The following ADAM32 variants were observed in gnomAD, a reference collection of about 807,000 sequenced individuals.
ADAM32 encodes the protein disintegrin and metalloproteinase domain-containing protein 32.
ADAM32 carries 89 observed loss-of-function variants against 114.9 expected under a neutral mutation model. The ratio of observed to expected loss-of-function variants is 0.77; its 90% CI spans 0.65 to 0.92. ADAM32 has a LOEUF of 0.92. Among genes scored for constraint, ADAM32 ranks in the 40% least tolerant of loss-of-function variants. ADAM32 has a pLI of 0.00. For synonymous variants in ADAM32, 285 were observed against 307.5 expected (o/e 0.93, Z 0.77); for missense variants, 870 against 932.8 (o/e 0.93, Z 0.88).
chr8:39,201,453 C>G (rs1286454014), intron 11 of ADAM32, among the ~76,000 whole-genome samples: 1 of 151,606 alleles, frequency 6.6e-6, no homozygotes, highest in Non-Finnish European at 1.5e-5. Flanking sequence ...TATAGGAATG[C>G]TTGTGATTTT....
At chr8:39,240,732 G>T (rs997811491) in intron 16 of ADAM32, among the ~76,000 whole-genome samples, 38 of 152,146 alleles carry the variant, frequency 2.5e-4, no homozygotes, top group African/African-American at 8.2e-4. Flanking sequence ...CTTATTCACT[G>T]TCATGAGAAC....
At chr8:39,147,035 G>C (rs1803546274) in intron 3 of ADAM32, 95 bp from the exon 4 acceptor site, 1 of 459,114 alleles carries the variant, frequency 2.2e-6, no homozygotes, top group Non-Finnish European at 3.2e-6. Flanking sequence ...AAAACAGAGG[G>C]TGGGTCAGAT....
chr8:39,222,531 A>G (rs1375321110), intron 13 of ADAM32, among the ~76,000 whole-genome samples: 1 of 152,032 alleles, frequency 6.6e-6, no homozygotes, highest in Non-Finnish European at 1.5e-5. Flanking sequence ...ATGATTTGAG[A>G]GAAAGATTCT....
chr8:39,157,928 C>T, intron 6 of ADAM32: 1 of 382,514 alleles, frequency 2.6e-6, no homozygotes, highest in East Asian at 5.5e-5. Flanking sequence ...CTAGTACGTG[C>T]CACAGAGAAG....
intron 12 of ADAM32, among the ~76,000 whole-genome samples, chr8:39,218,546 G>A (rs1280783919): frequency 1.3e-5 from 2 of 152,216 alleles, no homozygotes; most frequent in Non-Finnish European, 2.9e-5. Flanking sequence ...CTGGTGTTCT[G>A]TTCTACTGTG....
chr8:39,151,356 A>C, intron 5 of ADAM32, 21 bp from the exon 6 acceptor site: 2 of 1,550,272 alleles, frequency 1.3e-6, no homozygotes, highest in African/African-American at 1.4e-5. Flanking sequence ...AGCACTTAAA[A>C]TTGTATTCAT....
intron 18 of ADAM32, among the ~76,000 whole-genome samples, chr8:39,256,837 T>A (rs1416157165): frequency 6.6e-6 from 1 of 152,080 alleles, no homozygotes; most frequent in Admixed American, 6.6e-5. Context: ...ATTCCTTTGA[T>A]AATGCACCTT....
intron 1 of ADAM32, among the ~76,000 whole-genome samples, chr8:39,116,459 G>A (rs1340840530): frequency 1.3e-5 from 2 of 152,128 alleles, no homozygotes; most frequent in African/African-American, 2.4e-5. Flanking sequence ...CACCTCCATG[G>A]TTAGCTGTAT....
chr8:39,284,832 G>C lies in ADAM32; in HGVS notation c.*33G>C. On this transcript the variant is annotated 3_prime_UTR_variant, in exon 25 of 25. Transcript: ENST00000379907. ...TTCAGAAGGCAACGGATAACATCGA[G>C]AGTCTCGCTAAGAAATGAAAATTCT... 1 of 1,612,172 alleles carries C rather than the reference G, an allele frequency of 6.2e-7. No homozygotes were observed. Among genetic ancestry groups the C allele is most frequent in the Non-Finnish European group, 8.5e-7 (1 of 1,178,442 alleles).
chr8:39,136,806 A>T, intron 3 of ADAM32, 88 bp downstream of exon 3: 1 of 890,750 alleles, frequency 1.1e-6, no homozygotes, highest in South Asian at 2.0e-5. Context: ...AGAAAAATAC[A>T]TGGAATTATT....
chr8:39,159,980 GT>G (rs1308046083), intron 6 of ADAM32, among the ~76,000 whole-genome samples: 3 of 152,024 alleles, frequency 2.0e-5, no homozygotes, highest in Non-Finnish European at 4.4e-5. Flanking sequence ...GCATTGTCCT[GT>G]TTTTTATTTT....
chr8:39,269,926 G>A (rs535428328), intron 19 of ADAM32, among the ~76,000 whole-genome samples: 3 of 152,312 alleles, frequency 2.0e-5, no homozygotes, highest in Admixed American at 6.5e-5. Context: ...GGCAGAAGGC[G>A]AAGGGGAAGC....
chr8:39,151,862 G>C (rs970335183), intron 6 of ADAM32, among the ~76,000 whole-genome samples: 3 of 151,106 alleles, frequency 2.0e-5, no homozygotes, highest in Non-Finnish European at 4.4e-5. Flanking sequence ...CTACAAAAAA[G>C]AGACAGACCA....
At chr8:39,284,074 T>G (rs909035139) in intron 24 of ADAM32, among the ~76,000 whole-genome samples, 3 of 152,204 alleles carry the variant, frequency 2.0e-5, no homozygotes, top group Non-Finnish European at 4.4e-5. Flanking sequence ...ATGTCCAGCC[T>G]AAATGACCTA....
chr8:39,283,611 A>G lies in ADAM32; in HGVS notation c.2344A>G (p.Thr782Ala). Residue 782 changes from threonine (T) to alanine (A), a missense_variant, in exon 24 of 25, where the codon ACA becomes GCA. Transcript: ENST00000379907. ...ATCCAAATCACAGGACAGTACCCAA[A>G]CACAAAGCAGTAGGTAAGTATATTA... ...SRSKSQDSTQ[T>A]QSSSN The G allele has an allele frequency of 6.2e-7, 1 of 1,602,594 alleles. No individual in the cohort carries two copies.
At chr8:39,269,766 G>T (rs1004536018) in intron 19 of ADAM32, among the ~76,000 whole-genome samples, 2 of 152,176 alleles carry the variant, frequency 1.3e-5, no homozygotes, top group African/African-American at 4.8e-5. Flanking sequence ...TTCTGTGTGT[G>T]CTGTGTTATA....
intron 6 of ADAM32, among the ~76,000 whole-genome samples, chr8:39,154,649 C>G (rs533415025): frequency 2.0e-5 from 3 of 152,184 alleles, no homozygotes; most frequent in Non-Finnish European, 4.4e-5. Context: ...AATTTACACT[C>G]CCACCAACAG....
At chr8:39,124,641 C>G (rs1293582657) in intron 2 of ADAM32, among the ~76,000 whole-genome samples, 1 of 152,100 alleles carries the variant, frequency 6.6e-6, no homozygotes, top group Non-Finnish European at 1.5e-5. Context: ...TGGTCTTGAT[C>G]TCCTGACCTT....
At chr8:39,238,011 T>C (rs934407470) in intron 16 of ADAM32, among the ~76,000 whole-genome samples, 2 of 152,138 alleles carry the variant, frequency 1.3e-5, no homozygotes. Flanking sequence ...ACAACCCTGC[T>C]CCAAGGAAGG....
Sources: allele counts gnomAD v4.1 joint callset (sites outside exome capture counted in the v4.1 genomes callset), GRCh38; gene constraint gnomAD v4.1.1; transcripts MANE v1.5; gene names NCBI Gene and HGNC (gene_info 2026-07-23, HGNC 2026-07-21).